CXADR: variants seen among roughly 807,000 people sequenced by gnomAD.
CXADR encodes the protein CXADR cell adhesion molecule.
In CXADR, 20 loss-of-function variants were observed where a neutral mutation model predicts 40.3. That is an observed-to-expected ratio of 0.50 (90% CI 0.35 to 0.72). The LOEUF (loss-of-function observed/expected upper bound fraction) is 0.72. Among genes scored for constraint, CXADR ranks in the 30% least tolerant of loss-of-function variants. CXADR has a pLI of 0.01. For synonymous variants in CXADR, 150 were observed against 161.3 expected (o/e 0.93, Z 0.53); for missense variants, 332 against 449.1 (o/e 0.74, Z 2.36).
chr21:17,568,629 G>A lies in CXADR; in HGVS notation c.*2937G>A. 4 of 982,606 alleles carry A rather than the reference G, an allele frequency of 4.1e-6. No homozygotes were observed. Among genetic ancestry groups the A allele is most frequent in the Non-Finnish European group, 4.8e-6 (4 of 828,864 alleles). 60.9% of individuals were successfully genotyped at this position (982,606 alleles called of 1,614,324 possible). On this transcript the variant is annotated 3_prime_UTR_variant, in exon 7 of 7. Coordinates refer to ENST00000284878, the MANE Select transcript of CXADR (RefSeq NM_001338.5). ...TGGTCTCAAACTGCTGGGCTCAGGAGATCCTCCTGCCTTGGCCTCCCAAAT... is the reference window on the plus strand; with the variant it reads ...TGGTCTCAAACTGCTGGGCTCAGGAAATCCTCCTGCCTTGGCCTCCCAAAT...
Position 17,567,456 on chromosome 21 carries a change from G to A in CXADR, c.*1764G>A, listed in dbSNP as rs2061224829. 1 of 985,318 alleles carries A rather than the reference G, an allele frequency of 1.0e-6. No individual in the cohort carries two copies. The highest frequency in any genetic ancestry group is 1.2e-6 in the Non-Finnish European group (1 of 829,866). The allele number at this position is 985,318 out of a possible 1,614,324, so 61.0% of individuals were successfully genotyped here. On this transcript the variant is annotated 3_prime_UTR_variant, in exon 7 of 7. Coordinates refer to ENST00000284878, the MANE Select transcript of CXADR (RefSeq NM_001338.5). ...TATTATGAATTTCTGGTGCCTATGAGCTAGCTATCACCTACCTGAAAGGTG... is the reference window on the plus strand; with the variant it reads ...TATTATGAATTTCTGGTGCCTATGAACTAGCTATCACCTACCTGAAAGGTG...
chr21:17,606,480 T>C, the CXADR span, among the ~76,000 whole-genome samples: 2 of 152,146 alleles, frequency 1.3e-5, no homozygotes, highest in Non-Finnish European at 2.9e-5. Flanking sequence ...GATTCTAATA[T>C]TGTATAGGGT....
At chr21:17,575,595 A>G (rs894339645) in intron 7 of CXADR, among the ~76,000 whole-genome samples, 34 of 149,910 alleles carry the variant, frequency 2.3e-4, no homozygotes, top group Admixed American at 9.3e-4. Context: ...GGTTCACGCC[A>G]TTCTCCTGCC....
intron 7 of CXADR, among the ~76,000 whole-genome samples, chr21:17,591,004 A>T (rs1017866083): frequency 6.6e-6 from 1 of 152,060 alleles, no homozygotes; most frequent in African/African-American, 2.4e-5. Flanking sequence ...GTTAATCAAT[A>T]GATACTTTAA....
intron 6 of CXADR, among the ~76,000 whole-genome samples, chr21:17,563,667 C>T (rs1480016955): frequency 6.6e-5 from 10 of 151,968 alleles, no homozygotes; most frequent in Non-Finnish European, 1.0e-4. Flanking sequence ...GGTGGCCGGG[C>T]ACGGTGGCTC....
At chr21:17,606,909 A>G in the CXADR span, among the ~76,000 whole-genome samples, 2 of 152,296 alleles carry the variant, frequency 1.3e-5, no homozygotes, top group Non-Finnish European at 2.9e-5. Context: ...AAAGGTATGA[A>G]TATTTTTATA....
intron 7 of CXADR, among the ~76,000 whole-genome samples, chr21:17,577,608 C>A (rs1443554815): frequency 3.8e-5 from 3 of 79,886 alleles, no homozygotes; most frequent in Admixed American, 2.9e-4. Context: ...GACCATTCTG[C>A]AAGCTTTTTT....
chr21:17,565,888 G>T lies in CXADR; in HGVS notation c.*196G>T. ...AGTTACAGGCACTAAAGTTAGTAAA[G>T]AAAAGTTTACCATCTGAAAAAGCTG... is the stretch of plus-strand genomic sequence containing the variant. On this transcript the variant is annotated 3_prime_UTR_variant, in exon 7 of 7. Coordinates refer to ENST00000284878, the MANE Select transcript of CXADR (RefSeq NM_001338.5). 8 of 1,250,516 alleles carry T rather than the reference G, an allele frequency of 6.4e-6. No homozygotes were observed. Among genetic ancestry groups the T allele is most frequent in the Non-Finnish European group, 7.0e-6 (7 of 996,266 alleles). The allele number at this position is 1,250,516 out of a possible 1,614,324, so 77.5% of individuals were successfully genotyped here.
At chr21:17,584,983 T>A (rs771126353) in intron 7 of CXADR, among the ~76,000 whole-genome samples, 45 of 152,266 alleles carry the variant, frequency 3.0e-4, no homozygotes, top group Non-Finnish European at 5.3e-4. Context: ...GGATGATTTA[T>A]AAGATGCAAA....
the CXADR span, among the ~76,000 whole-genome samples, chr21:17,634,770 G>A: frequency 1.3e-5 from 2 of 151,980 alleles, no homozygotes; most frequent in East Asian, 3.9e-4. Flanking sequence ...TTAGAGATGT[G>A]ATATTGCTAT....
the CXADR span, among the ~76,000 whole-genome samples, chr21:17,601,178 G>C: frequency 2.1e-5 from 3 of 143,890 alleles, no homozygotes; most frequent in Non-Finnish European, 4.6e-5. Flanking sequence ...AAAAAAAAAA[G>C]TTGCTACGGG....
rs149531430 is a variant in CXADR, at chr21:17,542,024, ACT to A, written c.44-5000_44-4999del. On this transcript the variant is annotated intron_variant, in intron 1 of 6. Transcript: ENST00000284878. ...CAATATTTTGCCTGAAACAATTATT[ACT>A]CTGTTTTTGCCAAATGGTGATTTTT... The A allele has an allele frequency of 6.5e-3, 2,379 of 366,560 alleles. 50 individuals carry two copies. The highest frequency in any genetic ancestry group is 0.043 in the African/African-American group (1,980 of 45,530). The allele number at this position is 366,560 out of a possible 1,614,324, so 22.7% of individuals were successfully genotyped here.
chr21:17,633,509 C>T, the CXADR span, among the ~76,000 whole-genome samples: 50 of 152,258 alleles, frequency 3.3e-4, no homozygotes, highest in African/African-American at 1.1e-3. Context: ...GAGCTGTGAT[C>T]GTGCCACTGC....
At chr21:17,513,576 T>C (rs2060420522) in intron 1 of CXADR, among the ~76,000 whole-genome samples, 1 of 152,196 alleles carries the variant, frequency 6.6e-6, no homozygotes, top group African/African-American at 2.4e-5. Flanking sequence ...TCAAAAACCT[T>C]GGGCGGCGAG....
Position 17,551,814 on chromosome 21 carries a change from T to C in CXADR, c.276T>C (p.His92=), listed in dbSNP as rs759918104. ...ATCCAGATCTGAAAGGCCGAGTACA[T>C]TTTACGAGTAATGATCTCAAATCTG... ...DYYPDLKGRV[H]FTSNDLKSGD... is the part of the protein sequence containing the mutation. Residue 92 remains histidine, a synonymous_variant, in exon 3 of 7, where the codon CAT becomes CAC. Transcript: ENST00000284878. 2 of 1,613,858 alleles carry C rather than the reference T, an allele frequency of 1.2e-6. No individual in the cohort carries two copies. The highest frequency in any genetic ancestry group is 1.7e-6 in the Non-Finnish European group (2 of 1,179,826).
At chr21:17,614,728 G>A in the CXADR span, among the ~76,000 whole-genome samples, 2 of 152,118 alleles carry the variant, frequency 1.3e-5, no homozygotes, top group African/African-American at 4.8e-5. Flanking sequence ...GGGTGACAGA[G>A]CAAGACTCTG....
chr21:17,604,043 T>C, the CXADR span: 1 of 985,314 alleles, frequency 1.0e-6, no homozygotes, highest in Non-Finnish European at 1.3e-6. Flanking sequence ...TCAAAAAGAT[T>C]TCATACCTAG....
chr21:17,611,030 T>TAC, the CXADR span, among the ~76,000 whole-genome samples: 1 of 151,952 alleles, frequency 6.6e-6, no homozygotes, highest in East Asian at 1.9e-4. Flanking sequence ...ATTCACCTTC[T>TAC]ACAGCCAGCT....
At chr21:17,615,042 C>T in the CXADR span, among the ~76,000 whole-genome samples, 11 of 152,052 alleles carry the variant, frequency 7.2e-5, no homozygotes, top group African/African-American at 1.2e-4. Flanking sequence ...TCGCAATATT[C>T]GTATGTTGGA....
Sources: gnomAD v4.1 joint callset for allele counts (sites outside exome capture counted in the v4.1 genomes callset) on GRCh38, gnomAD v4.1.1 for gene constraint, MANE v1.5 for transcripts, NCBI Gene and HGNC (gene_info 2026-07-23, HGNC 2026-07-21) for gene names.